Variants in ZNF280B observed in about 807,000 individuals in gnomAD.
ZNF280B encodes suppressor of hairy wing homolog 2.
A neutral mutation model predicts 38.0 loss-of-function variants in ZNF280B; 16 were observed. The observed-to-expected ratio is 0.42, with a 90% CI of 0.28 to 0.64. The LOEUF (loss-of-function observed/expected upper bound fraction) is 0.64, where lower values mean the gene tolerates loss of function less well. Among genes scored for constraint, ZNF280B ranks in the 30% least tolerant of loss-of-function variants. The probability of loss-of-function intolerance (pLI) is 0.21; values close to 1 mark genes in which losing one functional copy is unlikely to be tolerated. For missense variants in ZNF280B, 581 were observed against 639.6 expected, an observed-to-expected ratio of 0.91 and a Z score of 0.99; for synonymous variants, 253 against 230.6, an observed-to-expected ratio of 1.10 and a Z score of -0.88.
rs762058379 is a variant in ZNF280B at position 22,488,930 on chromosome 22, T to G, written c.469A>C (p.Ser157Arg). Reference sequence around the variant, plus strand: ...ATACCTCCTACTGAAAGTGCTGTACTTACTGGATGATGCAATGAATCTGTG... The same window carrying G: ...ATACCTCCTACTGAAAGTGCTGTACGTACTGGATGATGCAATGAATCTGTG... ...TFTDSLHHPV[S>R]TALSVGGINE... The change falls in exon 4 of 4, where the codon AGT (serine) becomes CGT (arginine). Residue 157 changes from serine (S) to arginine (R), a missense_variant. Ser to Arg is a moderately radical substitution (Grantham distance 110). Transcript: ENST00000626650. The G allele has an allele frequency of 6.2e-7, 1 of 1,613,842 alleles. No individual in the cohort carries two copies. The highest frequency in any genetic ancestry group is 2.2e-5 in the East Asian group (1 of 44,796).
intron 2 of ZNF280B, among the ~76,000 whole-genome samples, chr22:22,499,446 T>C (rs2061771859): frequency 6.6e-6 from 1 of 151,668 alleles, no homozygotes. Flanking sequence ...TTTGTATTTT[T>C]AGTAGAGACA....
chr22:22,489,406 T>A lies in ZNF280B; in HGVS notation c.-8A>T. On this transcript the variant is annotated 5_prime_UTR_variant, in exon 4 of 4. Coordinates refer to ENST00000626650, the MANE Select transcript of ZNF280B (RefSeq NM_080764.4). ...CTCACATGATTGTTCCATTTTCTAA[T>A]TTTTTTATTCCTGAATGGTGGGGCC... is the stretch of plus-strand genomic sequence containing the variant. 1 of 1,577,464 alleles carries A rather than the reference T, an allele frequency of 6.3e-7. No individual in the cohort carries two copies. The highest frequency in any genetic ancestry group is 8.6e-7 in the Non-Finnish European group (1 of 1,166,526).
In ZNF280B at chr22:22,489,201, C is replaced by T. The variant is rs749311271; in HGVS notation, c.198G>A (p.Pro66=). ...VVSNILNRVT[P]GSWSRRKKYD... is the part of the protein sequence containing the mutation. The stretch of plus-strand genomic sequence containing the variant: ...ACTTTTTTCTCCTTGACCATGAACC[C>T]GGGGTGACTCTGTTCAAAATGTTTG... Residue 66 remains proline (P), a synonymous_variant, in exon 4 of 4, where the codon CCG becomes CCA. Coordinates refer to ENST00000626650, the MANE Select transcript of ZNF280B (RefSeq NM_080764.4). 2.0e-5 allele frequency: 32 copies of T among 1,613,426 alleles called. No individual in the cohort carries two copies. Among genetic ancestry groups the T allele is most frequent in the South Asian group, 1.2e-4 (11 of 91,014 alleles).
At chr22:22,504,349 C>G (rs953810219) in intron 2 of ZNF280B, among the ~76,000 whole-genome samples, 4 of 151,334 alleles carry the variant, frequency 2.6e-5, no homozygotes, top group Non-Finnish European at 1.5e-5. Flanking sequence ...ATTGCTTGAA[C>G]CCGGGAGGCA....
Position 22,488,636 on chromosome 22 carries a change from T to C in ZNF280B, c.763A>G (p.Arg255Gly). The C allele has an allele frequency of 6.2e-7, 1 of 1,613,892 alleles. No individual in the cohort carries two copies. The highest frequency in any genetic ancestry group is 8.5e-7 in the Non-Finnish European group (1 of 1,179,966). The change falls in exon 4 of 4, where the codon AGG becomes GGG. Residue 255 changes from arginine to glycine, a missense_variant. Arg to Gly is a moderately radical substitution (Grantham distance 125). Coordinates refer to ENST00000626650, the MANE Select transcript of ZNF280B (RefSeq NM_080764.4). ...TCTGTTTTTGCCAATTCATTTGCCC[T>C]ATCAAGATTTGTATTTATAGGCTTG... The part of the protein sequence containing the change: ...HFKPINTNLD[R>G]ANELAKTDIL...
rs2061511761 is a variant in ZNF280B, at chr22:22,487,128, A to T, written c.*639T>A. The T allele has an allele frequency of 6.6e-6, 1 of 151,964 alleles. No homozygotes were observed. Among genetic ancestry groups the T allele is most frequent in the Admixed American group, 6.6e-5 (1 of 15,236 alleles). 9.4% of individuals were successfully genotyped at this position (151,964 alleles called of 1,614,324 possible). A position where few individuals can be genotyped will look rare whatever the true frequency, so the allele number is the denominator to read the frequency against. On this transcript the variant is annotated 3_prime_UTR_variant, in exon 4 of 4. Coordinates refer to ENST00000626650, the MANE Select transcript of ZNF280B (RefSeq NM_080764.4). The stretch of plus-strand genomic sequence containing the variant: ...TATAGAAAAAAGAGCTTTCAAGCTT[A>T]GGAGTAACATGAAATACCAAAACAA...
At chr22:22,490,178 A>G (rs1452464458) in intron 3 of ZNF280B, among the ~76,000 whole-genome samples, 1 of 151,796 alleles carries the variant, frequency 6.6e-6, no homozygotes, top group Middle Eastern at 3.2e-3. Flanking sequence ...TGCCTCCTAA[A>G]TTTTCCCCTC....
chr22:22,505,305 T>G (rs1256483969), intron 2 of ZNF280B, among the ~76,000 whole-genome samples: 2 of 151,836 alleles, frequency 1.3e-5, no homozygotes, highest in African/African-American at 2.4e-5. Flanking sequence ...GTGGCTCACA[T>G]CTGTAATCCC....
chr22:22,505,170 C>T (rs1374594326), intron 2 of ZNF280B, among the ~76,000 whole-genome samples: 1 of 151,848 alleles, frequency 6.6e-6, no homozygotes, highest in Non-Finnish European at 1.5e-5. Context: ...GATCAATAGG[C>T]TAACACAGGT....
rs547088167 is a variant in ZNF280B at position 22,506,915 on chromosome 22, T to C, written c.-187+895A>G. On this transcript the variant is annotated intron_variant, in intron 2 of 3. Coordinates refer to ENST00000626650, the MANE Select transcript of ZNF280B (RefSeq NM_080764.4). The stretch of plus-strand genomic sequence containing the variant: ...TGAATCCCACTTCCTGGAATTCACA[T>C]AGTTGTAGCCCTCTCCCACTAACAG... 3.4e-3 allele frequency among the ~76,000 whole-genome samples: 521 copies of C among 152,050 alleles called. 2 individuals carry two copies. Among genetic ancestry groups the C allele is most frequent in the Non-Finnish European group, 6.0e-3 (405 of 68,010 alleles).
At chr22:22,500,869 T>C (rs2061802826) in intron 2 of ZNF280B, among the ~76,000 whole-genome samples, 1 of 150,116 alleles carries the variant, frequency 6.7e-6, no homozygotes, top group Non-Finnish European at 1.5e-5. Context: ...CAAAAAAAAT[T>C]AGCTGGGCGT....
rs1359584081 is a variant in ZNF280B, at chr22:22,508,691, G to C, written c.-280C>G. 6.6e-6 allele frequency: 1 copy of C among 151,884 alleles called. No homozygotes were observed. Among genetic ancestry groups the C allele is most frequent in the African/African-American group, 2.4e-5 (1 of 41,386 alleles). The allele number at this position is 151,884 out of a possible 1,614,324, so 9.4% of individuals were successfully genotyped here. ...GATCAGCTGCTGTTCGCGAGCTGCC[G>C]GCCACGCACCAGCCCCGGAGGCGCT... On this transcript the variant is annotated 5_prime_UTR_variant, in exon 1 of 4. Coordinates refer to ENST00000626650, the MANE Select transcript of ZNF280B (RefSeq NM_080764.4).
chr22:22,487,470 A>G lies in ZNF280B; in HGVS notation c.*297T>C, dbSNP rs2061516616. 1 of 162,814 alleles carries G rather than the reference A, an allele frequency of 6.1e-6. No individual in the cohort carries two copies. Among genetic ancestry groups the G allele is most frequent in the African/African-American group, 2.4e-5 (1 of 41,184 alleles). 10.1% of individuals were successfully genotyped at this position (162,814 alleles called of 1,614,324 possible). On this transcript the variant is annotated 3_prime_UTR_variant, in exon 4 of 4. Transcript: ENST00000626650. ...AGTAAAAAAAAAAAAAAAAAAAAAAAAAAAAATTAAAATTAAAAAAATAAA... is the reference window on the plus strand; with the variant it reads ...AGTAAAAAAAAAAAAAAAAAAAAAAGAAAAAATTAAAATTAAAAAAATAAA...
intron 3 of ZNF280B, among the ~76,000 whole-genome samples, chr22:22,492,808 T>A (rs2061621894): frequency 6.7e-6 from 1 of 150,168 alleles, no homozygotes. Flanking sequence ...ATCGCTTGAA[T>A]CCAGGAGGCG....
rs938217505 is a variant in ZNF280B at position 22,494,066 on chromosome 22, G to C, written c.-72C>G. On this transcript the variant is annotated 5_prime_UTR_variant, in exon 3 of 4. Coordinates refer to ENST00000626650, the MANE Select transcript of ZNF280B (RefSeq NM_080764.4). ...TATAAGAGGAGATATCACAGACCTT[G>C]CTTCCTCTTTCTGTCATGTGAGAAC... 1 of 151,952 alleles carries C rather than the reference G, an allele frequency of 6.6e-6. No homozygotes were observed. The highest frequency in any genetic ancestry group is 2.4e-5 in the African/African-American group (1 of 41,390). The allele number at this position is 151,952 out of a possible 1,614,324, so 9.4% of individuals were successfully genotyped here. A position where few individuals can be genotyped will look rare whatever the true frequency, so the allele number is the denominator to read the frequency against.
chr22:22,499,069 G>A (rs1264344928), intron 2 of ZNF280B, among the ~76,000 whole-genome samples: 1 of 151,594 alleles, frequency 6.6e-6, no homozygotes, highest in Non-Finnish European at 1.5e-5. Context: ...AAAGTGCTGG[G>A]ATTACAGGCG....
intron 3 of ZNF280B, among the ~76,000 whole-genome samples, chr22:22,491,715 C>T (rs1315324556): frequency 6.6e-6 from 1 of 151,880 alleles, no homozygotes; most frequent in Non-Finnish European, 1.5e-5. Context: ...GCCTCGGCCT[C>T]CCAAAGTGCT....
chr22:22,491,773 C>G (rs763684312), intron 3 of ZNF280B, among the ~76,000 whole-genome samples: 4 of 151,748 alleles, frequency 2.6e-5, no homozygotes, highest in Admixed American at 6.6e-5. Flanking sequence ...CTGTGCCCAG[C>G]CTCATTTTTC....
intron 2 of ZNF280B, among the ~76,000 whole-genome samples, chr22:22,496,263 AT>A (rs1377678744): frequency 6.6e-6 from 1 of 150,514 alleles, no homozygotes; most frequent in African/African-American, 2.4e-5. Context: ...TGCCTGGTTA[AT>A]TTTTTGTATT....
Sources: gnomAD v4.1 joint callset for allele counts (sites outside exome capture counted in the v4.1 genomes callset) on GRCh38, gnomAD v4.1.1 for gene constraint, MANE v1.5 for transcripts, NCBI Gene and HGNC (gene_info 2026-07-23, HGNC 2026-07-21) for gene names.